Variants in SCAF4 observed in about 807,000 individuals in gnomAD.
The protein encoded by SCAF4 is SR-related and CTD-associated factor 4.
Under a neutral mutation model 129.8 loss-of-function variants are expected in SCAF4, and 25 were observed. The ratio of observed to expected loss-of-function variants is 0.19; its 90% CI spans 0.14 to 0.27. The LOEUF (loss-of-function observed/expected upper bound fraction) is 0.27, where lower values mean the gene tolerates loss of function less well. SCAF4 is among the 10% of genes least tolerant of loss of function. SCAF4 has a pLI of 1.00. For missense variants in SCAF4, 1,246 were observed against 1,457.1 expected (o/e 0.86, Z 2.36); for synonymous variants, 551 against 497.7 (o/e 1.11, Z -1.43).
At chr21:31,690,588 C>T (rs562068258) in intron 15 of SCAF4, among the ~76,000 whole-genome samples, 2 of 152,246 alleles carry the variant, frequency 1.3e-5, no homozygotes, top group African/African-American at 4.8e-5. Flanking sequence ...TTCATAGATC[C>T]CATAATCAGT....
chr21:31,717,826 C>CATATATATATATATAT (rs796625672), intron 1 of SCAF4, among the ~76,000 whole-genome samples: 2 of 110,256 alleles, frequency 1.8e-5, no homozygotes, highest in Non-Finnish European at 3.7e-5. Flanking sequence ...AAACTGCTGC[C>CATATATATATATATAT]ATATATATAT....
Position 31,685,038 on chromosome 21 carries a change from A to T in SCAF4, c.2488+11T>A. 6.4e-7 allele frequency: 1 copy of T among 1,570,654 alleles called. No individual in the cohort carries two copies. Among genetic ancestry groups the T allele is most frequent in the Non-Finnish European group, 8.8e-7 (1 of 1,142,406 alleles). On this transcript the variant is annotated intron_variant, in intron 19 of 19. Transcript: ENST00000286835. The stretch of plus-strand genomic sequence containing the variant: ...GGCAAGGAAAACTAATGATAAAAAA[A>T]AATAACTTACCAAGAAGTGAAACAG...
chr21:31,711,186 T>C (rs2050790995), intron 1 of SCAF4, among the ~76,000 whole-genome samples: 1 of 152,368 alleles, frequency 6.6e-6, no homozygotes, highest in Admixed American at 6.5e-5. Context: ...TTGCATTTGA[T>C]ATAATTTACG....
intron 1 of SCAF4, among the ~76,000 whole-genome samples, chr21:31,707,063 T>C (rs1282846747): frequency 1.3e-5 from 2 of 151,748 alleles, no homozygotes; most frequent in East Asian, 3.8e-4. Context: ...GGTTGTTTAC[T>C]TTATTTTTTG....
chr21:31,678,621 T>C lies in SCAF4; in HGVS notation c.2489-6267A>G, dbSNP rs185372035. Among the ~76,000 whole-genome samples the C allele has an allele frequency of 4.9e-3, 745 of 152,250 alleles. 7 individuals are homozygous for C. The highest frequency in any genetic ancestry group is 0.017 in the African/African-American group (702 of 41,558). ...AACAACCTTCTCTAAGCTCATCTCC[T>C]GCCACTTTCTTCCCTTTGCTCTCCC... On this transcript the variant is annotated intron_variant, in intron 19 of 19. Coordinates refer to ENST00000286835, the MANE Select transcript of SCAF4 (RefSeq NM_020706.2).
chr21:31,704,532 C>CAA (rs531735168), intron 3 of SCAF4, among the ~76,000 whole-genome samples: 2,853 of 125,102 alleles, frequency 0.023, 78 homozygotes, highest in African/African-American at 0.077. Context: ...GGAATTTATG[C>CAA]AAAAAAAAAA....
Position 31,694,747 on chromosome 21 carries a change from A to C in SCAF4, c.1236+66T>G. 2.1e-6 allele frequency: 3 copies of C among 1,461,694 alleles called. No individual in the cohort carries two copies. In the South Asian group the frequency reaches 3.4e-5, roughly 17 times the overall value. The allele number at this position is 1,461,694 out of a possible 1,614,324, so 90.5% of individuals were successfully genotyped here. On this transcript the variant is annotated intron_variant, in intron 10 of 19. Transcript: ENST00000286835. ...CAAAAATGAAGACAGCAAGCAAATA[A>C]GGAGAAATCTGCATATAAGTCAAGG...
At chr21:31,722,186 C>T (rs1185488988) in intron 1 of SCAF4, among the ~76,000 whole-genome samples, 1 of 152,034 alleles carries the variant, frequency 6.6e-6, no homozygotes, top group Non-Finnish European at 1.5e-5. Context: ...ATAAGCAATC[C>T]ATCTTAATTG....
intron 1 of SCAF4, 24 bp downstream of exon 1, chr21:31,731,639 C>G: frequency 6.3e-7 from 1 of 1,588,038 alleles, no homozygotes; most frequent in Non-Finnish European, 8.5e-7. Context: ...GGCCCGGCAC[C>G]CCCCTGCCCC....
chr21:31,700,182 T>A (rs927977197), intron 7 of SCAF4, among the ~76,000 whole-genome samples: 14 of 148,418 alleles, frequency 9.4e-5, no homozygotes, highest in Non-Finnish European at 1.5e-4. Context: ...ACACACACAC[T>A]CACACACACA....
At chr21:31,722,329 C>G (rs1444727533) in intron 1 of SCAF4, among the ~76,000 whole-genome samples, 1 of 152,062 alleles carries the variant, frequency 6.6e-6, no homozygotes, top group Admixed American at 6.5e-5. Context: ...CAGCATGACT[C>G]CAATCCTATT....
intron 19 of SCAF4, among the ~76,000 whole-genome samples, chr21:31,676,289 C>G (rs749476993): frequency 6.6e-6 from 1 of 152,146 alleles, no homozygotes. Flanking sequence ...ATTTCAAGTA[C>G]CCCACTCTTT....
At chr21:31,701,247 T>A in intron 6 of SCAF4, 76 bp from the exon 7 acceptor site, 16 of 1,341,644 alleles carry the variant, frequency 1.2e-5, no homozygotes, top group South Asian at 9.5e-5. Flanking sequence ...AATAAAAAAA[T>A]GTCTTAAAGG....
intron 1 of SCAF4, among the ~76,000 whole-genome samples, chr21:31,728,423 C>A (rs1005934304): frequency 1.3e-5 from 2 of 152,158 alleles, no homozygotes; most frequent in African/African-American, 4.8e-5. Flanking sequence ...ACCTCAAATC[C>A]TGTTATCCTC....
At chr21:31,679,669 T>C (rs1346299569) in intron 19 of SCAF4, among the ~76,000 whole-genome samples, 1 of 152,184 alleles carries the variant, frequency 6.6e-6, no homozygotes, top group Non-Finnish European at 1.5e-5. Context: ...TAATATATAA[T>C]GCAGATATAC....
intron 1 of SCAF4, among the ~76,000 whole-genome samples, chr21:31,711,407 G>A (rs2050795866): frequency 6.6e-6 from 1 of 152,152 alleles, no homozygotes; most frequent in Non-Finnish European, 1.5e-5. Flanking sequence ...AAATTACGCT[G>A]ATACTTTGAC....
intron 2 of SCAF4, 147 bp downstream of exon 2, chr21:31,706,127 C>A (rs753057657): frequency 1.6e-6 from 1 of 642,192 alleles, no homozygotes; most frequent in Non-Finnish European, 2.8e-6. Flanking sequence ...TGCAAATGCA[C>A]GCTTATCATG....
intron 7 of SCAF4, among the ~76,000 whole-genome samples, chr21:31,697,028 T>G (rs1371508980): frequency 6.6e-6 from 1 of 152,206 alleles, no homozygotes. Context: ...ACAAGTAATT[T>G]AGCAGCATAC....
chr21:31,690,709 T>C, intron 15 of SCAF4, 88 bp downstream of exon 15: 1 of 1,222,372 alleles, frequency 8.2e-7, no homozygotes, highest in Non-Finnish European at 1.1e-6. Context: ...AAAAATCACG[T>C]CCTAATGCAA....
Sources: allele counts gnomAD v4.1 joint callset (sites outside exome capture counted in the v4.1 genomes callset), GRCh38; gene constraint gnomAD v4.1.1; transcripts MANE v1.5; gene names NCBI Gene and HGNC (gene_info 2026-07-23, HGNC 2026-07-21).